The following CCPG1 variants were observed in gnomAD, a reference collection of about 807,000 sequenced individuals.
CCPG1 encodes cell cycle progression protein 1.
In CCPG1, 46 loss-of-function variants were observed where a neutral mutation model predicts 81.3. The observed-to-expected ratio is 0.57, with a 90% CI of 0.45 to 0.72. CCPG1 has a LOEUF of 0.72. CCPG1 is among the 30% of genes least tolerant of loss of function. The pLI is 0.00. For missense variants in CCPG1, 902 were observed against 937.6 expected, an observed-to-expected ratio of 0.96 and a Z score of 0.50; for synonymous variants, 330 against 305.2, an observed-to-expected ratio of 1.08 and a Z score of -0.85.
intron 1 of CCPG1, chr15:55,400,048 A>G (rs1360565906): frequency 6.6e-6 from 1 of 151,354 alleles, no homozygotes; most frequent in Non-Finnish European, 1.5e-5. Flanking sequence ...TAAAAATACA[A>G]AAAAATTAGC....
At chr15:55,357,618 CAT>C (rs1432688279) in intron 8 of CCPG1, 9 of 164,392 alleles carry the variant, frequency 5.5e-5, no homozygotes, top group African/African-American at 9.6e-5. Context: ...GGGAGGTAGA[CAT>C]GTGTGGATCA....
chr15:55,366,194 G>A (rs1441130307), intron 6 of CCPG1, among the ~76,000 whole-genome samples: 1 of 152,018 alleles, frequency 6.6e-6, no homozygotes, highest in African/African-American at 2.4e-5. Context: ...ACTCAGCTTT[G>A]TTGTTTTGGG....
chr15:55,401,459 G>T (rs1375574145), intron 1 of CCPG1, among the ~76,000 whole-genome samples: 1 of 152,132 alleles, frequency 6.6e-6, no homozygotes, highest in East Asian at 1.9e-4. Context: ...CTGAGGTCAG[G>T]AGTTCAAGAC....
chr15:55,390,230 G>A (rs1283337085), intron 1 of CCPG1, among the ~76,000 whole-genome samples: 1 of 152,082 alleles, frequency 6.6e-6, no homozygotes, highest in Admixed American at 6.6e-5. Flanking sequence ...CAATCAAACT[G>A]TTTTTATGAA....
Position 55,360,800 on chromosome 15 carries a change from G to C in CCPG1, c.973C>G (p.Gln325Glu), listed in dbSNP as rs747643803. 3 of 1,612,494 alleles carry C rather than the reference G, an allele frequency of 1.9e-6. No homozygotes were observed. The Admixed American group carries it at 5.0e-5, about 27-fold the overall frequency. ...TCTCTTAGTTTGTTTAACTCTTCCT[G>C]TAATGAGGATAAGGCTTTTTCTTCC... ...EKEEKALSSL[Q>E]EELNKLREQI... is the part of the protein sequence containing the mutation. Residue 325 changes from glutamine to glutamate, a missense_variant, in exon 8 of 9, where the codon CAG becomes GAG. By Grantham distance (29) the Gln-to-Glu change is conservative. This residue lies in a region of CCPG1 where 746 missense variants were observed against 728.6 expected (regional missense o/e 1.02). Transcript: ENST00000442196.
chr15:55,355,394 A>C lies in CCPG1; in HGVS notation c.*826T>G, dbSNP rs2056057635. On this transcript the variant is annotated 3_prime_UTR_variant, in exon 9 of 9. Coordinates refer to ENST00000442196, the MANE Select transcript of CCPG1 (RefSeq NM_001204450.2). Reference sequence around the variant, plus strand: ...AAGTCACATATATGTCTATGAACGGAAGTTAAAAGGGAAATTCAACATGAA... The same window carrying C: ...AAGTCACATATATGTCTATGAACGGCAGTTAAAAGGGAAATTCAACATGAA... The C allele has an allele frequency of 1.9e-6, 3 of 1,609,488 alleles. No individual in the cohort carries two copies.
At chr15:55,378,552 T>C (rs1178357424) in intron 3 of CCPG1, among the ~76,000 whole-genome samples, 176 bp from the exon 4 acceptor site, 1 of 152,182 alleles carries the variant, frequency 6.6e-6, no homozygotes, top group African/African-American at 2.4e-5. Context: ...ATGAACTTCA[T>C]TTATTTGAAA....
intron 3 of CCPG1, 31 bp downstream of exon 3, chr15:55,385,567 TAA>T: frequency 9.1e-7 from 1 of 1,096,952 alleles, no homozygotes; most frequent in Non-Finnish European, 1.3e-6. Context: ...TATATCATAT[TAA>T]AAAAAAAATT....
chr15:55,391,021 A>G (rs2056903537), intron 1 of CCPG1, among the ~76,000 whole-genome samples: 4 of 152,228 alleles, frequency 2.6e-5, no homozygotes, highest in Admixed American at 2.6e-4. Flanking sequence ...CAGTCAGTAG[A>G]GGTTATCCAA....
intron 3 of CCPG1, among the ~76,000 whole-genome samples, chr15:55,380,345 G>A (rs540733088): frequency 3.0e-4 from 46 of 151,040 alleles, no homozygotes; most frequent in African/African-American, 1.0e-3. Flanking sequence ...GCCCAGGCTG[G>A]AGTGCAGTGG....
chr15:55,406,829 AAGG>A (rs1453563890), intron 1 of CCPG1, among the ~76,000 whole-genome samples: 2 of 152,176 alleles, frequency 1.3e-5, no homozygotes, highest in East Asian at 3.8e-4. Context: ...TTCATCTAAG[AAGG>A]AGTATTTCCC....
At chr15:55,397,107 C>G (rs1439504969) in intron 1 of CCPG1, among the ~76,000 whole-genome samples, 2 of 151,958 alleles carry the variant, frequency 1.3e-5, no homozygotes, top group Non-Finnish European at 2.9e-5. Flanking sequence ...CCAGCTACTT[C>G]GGACGCTGAG....
At chr15:55,361,658 A>T (rs2056200304) in intron 7 of CCPG1, among the ~76,000 whole-genome samples, 1 of 151,746 alleles carries the variant, frequency 6.6e-6, no homozygotes, top group South Asian at 2.1e-4. Flanking sequence ...GTGAGCCGAG[A>T]TCGCACCACT....
intron 8 of CCPG1, chr15:55,359,190 A>C (rs1193247679): frequency 2.0e-6 from 2 of 991,362 alleles, no homozygotes; most frequent in African/African-American, 1.7e-5. Flanking sequence ...TAAATACATA[A>C]AAGATTAAAG....
chr15:55,371,684 A>T, intron 6 of CCPG1, 109 bp downstream of exon 6: 1 of 1,145,598 alleles, frequency 8.7e-7, no homozygotes. Context: ...CAAGTTTTCA[A>T]GGCCACACAT....
rs866214591 is a variant in CCPG1, at chr15:55,372,299, T to C, written c.455-255A>G. ...TGGTGCTTTGAGAGCCTATCTCTGT[T>C]TTTTTATTTAATCCTCCTCGCCTTA... is the stretch of plus-strand genomic sequence containing the variant. On this transcript the variant is annotated intron_variant, in intron 5 of 8. Coordinates refer to ENST00000442196, the MANE Select transcript of CCPG1 (RefSeq NM_001204450.2). 8 of 511,592 alleles carry C rather than the reference T, an allele frequency of 1.6e-5. No individual in the cohort carries two copies. The Middle Eastern group carries it at 1.6e-3, about 102-fold the overall frequency. The allele number at this position is 511,592 out of a possible 1,614,324, so 31.7% of individuals were successfully genotyped here.
chr15:55,364,438 T>C (rs1033797725), intron 7 of CCPG1, among the ~76,000 whole-genome samples: 1 of 150,856 alleles, frequency 6.6e-6, no homozygotes, highest in African/African-American at 2.4e-5. Context: ...GTGAAAATAA[T>C]GTTAATAAAA....
chr15:55,370,885 G>GA lies in CCPG1; in HGVS notation c.706+907dup, dbSNP rs1210551702. Among the ~76,000 whole-genome samples, 341 of 94,610 alleles carry GA rather than the reference G, an allele frequency of 3.6e-3. 1 individual carries two copies. The highest frequency in any genetic ancestry group is 0.011 in the South Asian group (28 of 2,464). 62.1% of individuals were successfully genotyped at this position (94,610 alleles called of 152,430 possible). A position where few individuals can be genotyped will look rare whatever the true frequency, so the allele number is the denominator to read the frequency against. ...AGTGAGACTCCGTCTCAAAAAAAAA[G>GA]AAAAAAAAAAAAAAAAAGACTTCGA... On this transcript the variant is annotated intron_variant, in intron 6 of 8. Coordinates refer to ENST00000442196, the MANE Select transcript of CCPG1 (RefSeq NM_001204450.2).
chr15:55,367,995 A>G (rs995874629), intron 6 of CCPG1, among the ~76,000 whole-genome samples: 1 of 152,164 alleles, frequency 6.6e-6, no homozygotes, highest in Non-Finnish European at 1.5e-5. Flanking sequence ...CAGGTTACTC[A>G]ATAAATCAAA....
Sources: allele counts gnomAD v4.1 joint callset (sites outside exome capture counted in the v4.1 genomes callset), GRCh38; gene constraint gnomAD v4.1.1; regional missense constraint gnomAD v4.1.1; transcripts MANE v1.5; gene names NCBI Gene and HGNC (gene_info 2026-07-23, HGNC 2026-07-21).